Variants in LTBP1 observed in about 807,000 individuals in gnomAD.
The protein encoded by LTBP1 is latent-transforming growth factor beta-binding protein 1.
LTBP1 carries 129 observed loss-of-function variants against 207.6 expected under a neutral mutation model. The ratio of observed to expected loss-of-function variants is 0.62; its 90% CI spans 0.54 to 0.72. LTBP1 has a LOEUF of 0.72. LTBP1 is among the 30% of genes least tolerant of loss of function. The pLI is 0.00. For missense variants in LTBP1, 2,281 were observed against 2,217.2 expected, an observed-to-expected ratio of 1.03 and a Z score of -0.58; for synonymous variants, 963 against 833.7, an observed-to-expected ratio of 1.16 and a Z score of -2.67.
At chr2:33,188,931 A>C (rs1376429535) in intron 7 of LTBP1, 80 bp downstream of exon 7, 5 of 1,478,626 alleles carry the variant, frequency 3.4e-6, no homozygotes, top group Non-Finnish European at 4.6e-6. Flanking sequence ...GACTTGATAA[A>C]AATGCTTTTT....
chr2:33,307,823 G>A (rs1420703962), intron 22 of LTBP1, among the ~76,000 whole-genome samples: 1 of 152,124 alleles, frequency 6.6e-6, no homozygotes, highest in Non-Finnish European at 1.5e-5. Context: ...TAATAACGTG[G>A]TTTTATTTGA....
At position 33,331,813 on chromosome 2, in the gene LTBP1, G is replaced by A. The variant is rs1050612248; in HGVS notation, c.3731-11025G>A. On this transcript the variant is annotated intron_variant, in intron 24 of 33. Coordinates refer to ENST00000404816, the MANE Select transcript of LTBP1 (RefSeq NM_206943.4). Reference sequence around the variant, plus strand: ...AAACTACATGTATGTAAGAAAACTCGGCTAGATTAAAAAGCATTTTAAAGG... The same window carrying A: ...AAACTACATGTATGTAAGAAAACTCAGCTAGATTAAAAAGCATTTTAAAGG... Among the ~76,000 whole-genome samples, 5 of 151,924 alleles carry A rather than the reference G, an allele frequency of 3.3e-5. No homozygotes were observed. In the South Asian group the frequency reaches 8.3e-4, roughly 25 times the overall value.
chr2:33,077,193 G>C (rs1264649677), intron 3 of LTBP1, among the ~76,000 whole-genome samples: 1 of 152,154 alleles, frequency 6.6e-6, no homozygotes, highest in African/African-American at 2.4e-5. Context: ...GCTAATCAAT[G>C]GGAAGGTTGT....
At chr2:33,055,682 G>A (rs1255072332) in intron 3 of LTBP1, among the ~76,000 whole-genome samples, 1 of 152,200 alleles carries the variant, frequency 6.6e-6, no homozygotes, top group East Asian at 1.9e-4. Context: ...TCAAAGGTTT[G>A]CCCTAGACCC....
chr2:33,184,781 G>GTTTTTTTTTTTTTTTTTTCT (rs34063170), intron 5 of LTBP1, among the ~76,000 whole-genome samples: 3 of 136,384 alleles, frequency 2.2e-5, no homozygotes, highest in Non-Finnish European at 3.2e-5. Context: ...AGTATTTTCT[G>GTTTTTTTTTTTTTTTTTTCT]TTTTTTTTTT....
At chr2:33,067,216 GCTA>G (rs1213528176) in intron 3 of LTBP1, among the ~76,000 whole-genome samples, 1 of 152,146 alleles carries the variant, frequency 6.6e-6, no homozygotes, top group Non-Finnish European at 1.5e-5. Flanking sequence ...ATTGACTTTA[GCTA>G]CTATTGAAGA....
rs1686386229 is a variant in LTBP1, at chr2:33,003,799, CA to C, written c.566-17109del. On this transcript the variant is annotated intron_variant, in intron 2 of 33. Coordinates refer to ENST00000404816, the MANE Select transcript of LTBP1 (RefSeq NM_206943.4). ...AGGCCACGAAAAGAAGGTTCTCACA[CA>C]TATATGCCTGATAACAAGAACTGTC... Among the ~76,000 whole-genome samples the C allele has an allele frequency of 3.9e-5, 6 of 152,304 alleles. No individual in the cohort carries two copies. In the South Asian group the frequency reaches 1.2e-3, roughly 32 times the overall value.
intron 3 of LTBP1, among the ~76,000 whole-genome samples, chr2:33,103,951 AC>A (rs1289588091): frequency 2.6e-5 from 4 of 151,908 alleles, no homozygotes; most frequent in African/African-American, 9.7e-5. Flanking sequence ...TGATTATAAA[AC>A]TAAGGACCCT....
chr2:33,198,768 G>A (rs959144390), intron 7 of LTBP1, among the ~76,000 whole-genome samples: 9 of 152,056 alleles, frequency 5.9e-5, no homozygotes, highest in Admixed American at 2.0e-4. Flanking sequence ...TTTTTATTGC[G>A]TCTATTTGAT....
At chr2:33,039,310 C>T (rs2038536) in intron 3 of LTBP1, among the ~76,000 whole-genome samples, 1 of 150,930 alleles carries the variant, frequency 6.6e-6, no homozygotes, top group African/African-American at 2.4e-5. Flanking sequence ...AAAAAAAAAA[C>T]ACCAAAACCC....
At chr2:33,201,664 C>CA (rs2089298305) in intron 7 of LTBP1, among the ~76,000 whole-genome samples, 1 of 151,014 alleles carries the variant, frequency 6.6e-6, no homozygotes, top group Non-Finnish European at 1.5e-5. Flanking sequence ...AAAAAAGAAA[C>CA]AAACTTCAAG....
chr2:33,018,777 C>G (rs1688746257), intron 2 of LTBP1, among the ~76,000 whole-genome samples: 1 of 152,182 alleles, frequency 6.6e-6, no homozygotes, highest in African/African-American at 2.4e-5. Context: ...GAACAAATCG[C>G]TGCTGCCCTC....
intron 31 of LTBP1, among the ~76,000 whole-genome samples, chr2:33,387,248 G>A (rs2095273993): frequency 6.6e-6 from 1 of 152,224 alleles, no homozygotes; most frequent in African/African-American, 2.4e-5. Flanking sequence ...AATAATGGGA[G>A]AAGATGACCT....
intron 24 of LTBP1, among the ~76,000 whole-genome samples, chr2:33,334,256 G>A (rs2094529596): frequency 1.3e-5 from 2 of 152,218 alleles, no homozygotes; most frequent in African/African-American, 4.8e-5. Flanking sequence ...GGGAAAGAAG[G>A]TGATGCAGGG....
chr2:33,153,557 A>G (rs1337284659), intron 5 of LTBP1, among the ~76,000 whole-genome samples: 1 of 152,228 alleles, frequency 6.6e-6, no homozygotes, highest in Non-Finnish European at 1.5e-5. Flanking sequence ...GATCATTCAC[A>G]TTAAAAATCT....
At chr2:33,246,372 AAAAGGGTGATACTTACAGAGT>A (rs2092509568) in intron 10 of LTBP1, among the ~76,000 whole-genome samples, 1 of 152,164 alleles carries the variant, frequency 6.6e-6, no homozygotes, top group Non-Finnish European at 1.5e-5. Flanking sequence ...GGAATTAGGG[AAAAGGGTGATACTTACAGAGT>A]AAAGGAAATA....
intron 31 of LTBP1, 145 bp from the exon 32 acceptor site, chr2:33,389,039 C>G: frequency 2.7e-6 from 3 of 1,121,850 alleles, no homozygotes; most frequent in Non-Finnish European, 3.9e-6. Context: ...GATATTCAGA[C>G]ACTTTCCAGG....
At chr2:33,396,653 G>A (rs1326950640) in intron 32 of LTBP1, among the ~76,000 whole-genome samples, 3 of 152,166 alleles carry the variant, frequency 2.0e-5, no homozygotes, top group Admixed American at 6.5e-5. Flanking sequence ...CAAACACATG[G>A]CAGAGCCAGC....
Position 33,369,133 on chromosome 2 carries a change from ATAT to A in LTBP1, c.4711+3634_4711+3636del, listed in dbSNP as rs2095036046. On this transcript the variant is annotated intron_variant, in intron 31 of 33. Transcript: ENST00000404816. ...ATTAGAACAAATACATATGAAGTAC[ATAT>A]TATATAATATTTTTGGAAAAATACA... Among the ~76,000 whole-genome samples the A allele has an allele frequency of 3.3e-5, 5 of 152,312 alleles. 1 individual carries two copies. In the South Asian group the frequency reaches 1.0e-3, roughly 32 times the overall value.
Sources: allele counts gnomAD v4.1 joint callset (sites outside exome capture counted in the v4.1 genomes callset), GRCh38; gene constraint gnomAD v4.1.1; transcripts MANE v1.5; gene names NCBI Gene and HGNC (gene_info 2026-07-23, HGNC 2026-07-21).